Variants in ZNF493 observed in about 807,000 individuals in gnomAD.
The protein encoded by ZNF493 is zinc finger protein 493.
ZNF493 carries 11 observed loss-of-function variants against 12.2 expected under a neutral mutation model. The observed-to-expected ratio is 0.90, with a 90% CI of 0.57 to 1.50. ZNF493 has a LOEUF of 1.50. ZNF493 is among the 40% of genes most tolerant of loss of function. ZNF493 has a pLI of 0.00. For missense variants in ZNF493, 950 were observed against 906.6 expected (o/e 1.05, Z -0.61); for synonymous variants, 286 against 302.6 (o/e 0.95, Z 0.57).
rs369890119 is a variant in ZNF493 at position 21,422,924 on chromosome 19, C to T, written c.265C>T (p.His89Tyr). Reference sequence around the variant, plus strand: ...TTTATTTCTTTCAGTTATATGTTCTCATTTTGCTGAAGACTTTTGCCCAGG... The same window carrying T: ...TTTATTTCTTTCAGTTATATGTTCTTATTTTGCTGAAGACTTTTGCCCAGG... ...TVVKPPVICSHFAEDFCPGPG... is the reference protein window; with the variant it reads ...TVVKPPVICSYFAEDFCPGPG... Residue 89 changes from histidine to tyrosine, a missense_variant, in exon 4 of 4, where the codon CAT becomes TAT. Transcript: ENST00000392288. 1.3e-6 allele frequency: 2 copies of T among 1,554,108 alleles called. No individual in the cohort carries two copies. Among genetic ancestry groups the T allele is most frequent in the Admixed American group, 2.1e-5 (1 of 47,800 alleles).
chr19:21,401,947 C>T (rs1374370160), intron 1 of ZNF493, among the ~76,000 whole-genome samples: 2 of 148,988 alleles, frequency 1.3e-5, no homozygotes, highest in South Asian at 2.1e-4. Flanking sequence ...TATTTATCTA[C>T]TTATTTATTT....
intron 3 of ZNF493, among the ~76,000 whole-genome samples, chr19:21,415,419 T>C (rs1826510717): frequency 6.6e-6 from 1 of 152,176 alleles, no homozygotes; most frequent in South Asian, 2.1e-4. Flanking sequence ...CATTTAATGT[T>C]TTCAATTGAT....
chr19:21,422,381 CT>C (rs36187718), intron 3 of ZNF493, among the ~76,000 whole-genome samples: 21,719 of 135,132 alleles, frequency 0.16, 1,979 homozygotes, highest in Non-Finnish European at 0.23. Flanking sequence ...TTTTACTAGT[CT>C]TTTTTTTTTT....
chr19:21,397,373 T>A lies in ZNF493; in HGVS notation c.30+106T>A. On this transcript the variant is annotated intron_variant, in intron 1 of 3. Coordinates refer to ENST00000392288, the MANE Select transcript of ZNF493 (RefSeq NM_001076678.3). ...GGCCTCCCCGCAGTCAGCTCCACAA[T>A]CTGCTCCCTGAGTTCTCCTTGCCCA... 5 of 1,360,598 alleles carry A rather than the reference T, an allele frequency of 3.7e-6. No individual in the cohort carries two copies. The South Asian group carries it at 5.8e-5, about 16-fold the overall frequency. 84.3% of individuals were successfully genotyped at this position (1,360,598 alleles called of 1,614,324 possible).
intron 1 of ZNF493, among the ~76,000 whole-genome samples, chr19:21,399,102 T>C (rs1304207327): frequency 6.6e-6 from 1 of 152,192 alleles, no homozygotes; most frequent in East Asian, 1.9e-4. Flanking sequence ...TCTCAAGTTA[T>C]TGAATGGCCT....
At chr19:21,405,932 C>T in intron 3 of ZNF493, 76 bp downstream of exon 3, 2 of 738,694 alleles carry the variant, frequency 2.7e-6, no homozygotes, top group South Asian at 2.4e-5. Context: ...AAAAAAAAGC[C>T]AGTCCTGGCC....
chr19:21,425,000 C>T lies in ZNF493; in HGVS notation c.*16C>T, dbSNP rs758992334. On this transcript the variant is annotated 3_prime_UTR_variant, in exon 4 of 4. Coordinates refer to ENST00000392288, the MANE Select transcript of ZNF493 (RefSeq NM_001076678.3). ...ACAAAAGTGAAGAATGTGGCAAAGG[C>T]CTTTACTGCTCCTATTCCCTTACTA... The T allele has an allele frequency of 6.3e-7, 1 of 1,577,632 alleles. No individual in the cohort carries two copies. The highest frequency in any genetic ancestry group is 8.6e-7 in the Non-Finnish European group (1 of 1,165,214).
chr19:21,405,382 C>A (rs1186752310), intron 2 of ZNF493, 127 bp downstream of exon 2: 1 of 1,495,586 alleles, frequency 6.7e-7, no homozygotes, highest in Non-Finnish European at 8.9e-7. Context: ...TTAAAGAAAT[C>A]TTGAAGAACT....
chr19:21,414,349 C>T (rs2030417835), intron 3 of ZNF493: 3 of 152,212 alleles, frequency 2.0e-5, no homozygotes, highest in Admixed American at 2.0e-4. Flanking sequence ...TGGATAATAG[C>T]TTTAGCTTCT....
intron 3 of ZNF493, among the ~76,000 whole-genome samples, chr19:21,406,113 T>C (rs2030117369): frequency 6.6e-6 from 1 of 151,766 alleles, no homozygotes; most frequent in Admixed American, 6.6e-5. Flanking sequence ...TCTCAGCTCC[T>C]CCGGAGGCTG....
Position 21,425,299 on chromosome 19 carries a change from A to T in ZNF493, c.*315A>T, listed in dbSNP as rs2030826213. 1 of 455,280 alleles carries T rather than the reference A, an allele frequency of 2.2e-6. No homozygotes were observed. The highest frequency in any genetic ancestry group is 2.0e-5 in the African/African-American group (1 of 49,964). 28.2% of individuals were successfully genotyped at this position (455,280 alleles called of 1,614,324 possible). A position where few individuals can be genotyped will look rare whatever the true frequency, so the allele number is the denominator to read the frequency against. ...TATGAAGAATGTGACAAAGCTTTTAACCACTTCTCAACCCTGCCTACACGT... is the reference window on the plus strand; with the variant it reads ...TATGAAGAATGTGACAAAGCTTTTATCCACTTCTCAACCCTGCCTACACGT... On this transcript the variant is annotated 3_prime_UTR_variant, in exon 4 of 4. Transcript: ENST00000392288.
chr19:21,422,867 T>C (rs2030721722), intron 3 of ZNF493, 46 bp from the exon 4 acceptor site: 2 of 1,463,918 alleles, frequency 1.4e-6, no homozygotes, highest in East Asian at 2.3e-5. Context: ...TCTATATTTA[T>C]CTGAGTCTAG....
At chr19:21,402,509 T>G (rs1019539051) in intron 1 of ZNF493, among the ~76,000 whole-genome samples, 1 of 152,190 alleles carries the variant, frequency 6.6e-6, no homozygotes, top group Admixed American at 6.5e-5. Context: ...TTGATTGTAC[T>G]CTGCTTGCTG....
intron 1 of ZNF493, among the ~76,000 whole-genome samples, chr19:21,404,757 C>T (rs1292306459): frequency 6.6e-6 from 1 of 152,172 alleles, no homozygotes; most frequent in Non-Finnish European, 1.5e-5. Flanking sequence ...TTACTGTTCA[C>T]ATTAAAACTT....
chr19:21,403,172 G>T (rs1178622126), intron 1 of ZNF493, among the ~76,000 whole-genome samples: 1 of 152,208 alleles, frequency 6.6e-6, no homozygotes. Flanking sequence ...CAGGTTCTGT[G>T]TATTGTTCTA....
rs1974185373 is a variant in ZNF493, at chr19:21,397,284, C to G, written c.30+17C>G. The G allele has an allele frequency of 6.2e-7, 1 of 1,614,138 alleles. No homozygotes were observed. Among genetic ancestry groups the G allele is most frequent in the African/African-American group, 1.3e-5 (1 of 75,030 alleles). ...CTAGACATGGTGAGAGTGCTGGGTC[C>G]GACATCACGAGAGAGGGGAAGGAGT... On this transcript the variant is annotated intron_variant, in intron 1 of 3. Coordinates refer to ENST00000392288, the MANE Select transcript of ZNF493 (RefSeq NM_001076678.3).
chr19:21,412,014 A>G (rs1198816777), intron 3 of ZNF493: 1 of 151,902 alleles, frequency 6.6e-6, no homozygotes. Flanking sequence ...TTTTTTCTCT[A>G]TCTTATACTG....
rs748545559 is a variant in ZNF493 at position 21,422,968 on chromosome 19, T to C, written c.309T>C (p.Ser103=). 3 of 1,597,596 alleles carry C rather than the reference T, an allele frequency of 1.9e-6. No individual in the cohort carries two copies. The highest frequency in any genetic ancestry group is 2.7e-5 in the African/African-American group (2 of 74,266). The change falls in exon 4 of 4, where the codon TCT becomes TCC. Residue 103 remains serine (S), a synonymous_variant. Coordinates refer to ENST00000392288, the MANE Select transcript of ZNF493 (RefSeq NM_001076678.3). ...GCCCAGGGCCAGGCATTAAAGATTCTTTTCAAAAAGTGATACTGAGAGAAT... is the reference window on the plus strand; with the variant it reads ...GCCCAGGGCCAGGCATTAAAGATTCCTTTCAAAAAGTGATACTGAGAGAAT... ...DFCPGPGIKD[S]FQKVILREYV...
chr19:21,417,839 A>T (rs1341616155), intron 3 of ZNF493, among the ~76,000 whole-genome samples: 3 of 152,242 alleles, frequency 2.0e-5, no homozygotes, highest in Admixed American at 1.3e-4. Context: ...CTCAAGTAAG[A>T]GCATCCCAGT....
Sources: allele counts gnomAD v4.1 joint callset (sites outside exome capture counted in the v4.1 genomes callset), GRCh38; gene constraint gnomAD v4.1.1; transcripts MANE v1.5; gene names NCBI Gene and HGNC (gene_info 2026-07-23, HGNC 2026-07-21).